Variants in TSC22D2 observed in about 807,000 individuals in gnomAD.
TSC22D2 encodes the protein TSC22 domain family protein 2.
In TSC22D2, 5 loss-of-function variants were observed where a neutral mutation model predicts 50.1. That is an observed-to-expected ratio of 0.10 (90% confidence interval 0.05 to 0.21). The LOEUF (loss-of-function observed/expected upper bound fraction) is 0.21, where lower values mean the gene tolerates loss of function less well. TSC22D2 is among the 10% of genes least tolerant of loss of function. The pLI is 1.00. For synonymous variants in TSC22D2, 501 were observed against 450.1 expected (o/e 1.11, Z -1.43); for missense variants, 1,003 against 1,015.5 (o/e 0.99, Z 0.17).
intron 1 of TSC22D2, among the ~76,000 whole-genome samples, chr3:150,419,251 A>G (rs978478419): frequency 6.6e-6 from 1 of 152,104 alleles, no homozygotes; most frequent in African/African-American, 2.4e-5. Context: ...ATTGGGTGAC[A>G]AAGCCTAGAC....
intron 1 of TSC22D2, among the ~76,000 whole-genome samples, chr3:150,413,319 T>G: frequency 6.6e-6 from 1 of 152,210 alleles, no homozygotes; most frequent in East Asian, 1.9e-4. Flanking sequence ...GTGCAGGGGT[T>G]TTGATGTATG....
At chr3:150,437,324 T>TAGGATA (rs1437310967) in intron 1 of TSC22D2, among the ~76,000 whole-genome samples, 2 of 152,166 alleles carry the variant, frequency 1.3e-5, no homozygotes, top group African/African-American at 4.8e-5. Context: ...CACTGCTGCA[T>TAGGATA]AGGATACATT....
At position 150,455,145 on chromosome 3, in the gene TSC22D2, T is replaced by C. The variant is rs540569187; in HGVS notation, c.1959-1931T>C. On this transcript the variant is annotated intron_variant, in intron 1 of 2. Coordinates refer to ENST00000688009, the MANE Select transcript of TSC22D2 (RefSeq NM_001303264.2). ...TTTCCTTGTCATGTCAATAAAAATATAGAAAGTATAATCTGGGATTCCCAA... is the reference window on the plus strand; with the variant it reads ...TTTCCTTGTCATGTCAATAAAAATACAGAAAGTATAATCTGGGATTCCCAA... 5.2e-4 allele frequency among the ~76,000 whole-genome samples: 79 copies of C among 152,212 alleles called. 1 individual carries two copies. The highest frequency in any genetic ancestry group is 8.4e-4 in the Non-Finnish European group (57 of 68,030).
intron 1 of TSC22D2, among the ~76,000 whole-genome samples, chr3:150,447,675 G>C (rs374245576): frequency 6.6e-6 from 1 of 151,778 alleles, no homozygotes; most frequent in Non-Finnish European, 1.5e-5. Flanking sequence ...AAAGCCCCAG[G>C]CATCCTTAGC....
intron 1 of TSC22D2, among the ~76,000 whole-genome samples, chr3:150,414,937 G>A (rs1164506284): frequency 6.7e-6 from 1 of 149,714 alleles, no homozygotes; most frequent in Non-Finnish European, 1.5e-5. Flanking sequence ...GTTTACAGTT[G>A]ATGTCTGAAT....
At chr3:150,420,941 C>T (rs547656797) in intron 1 of TSC22D2, among the ~76,000 whole-genome samples, 1 of 152,058 alleles carries the variant, frequency 6.6e-6, no homozygotes, top group South Asian at 2.1e-4. Context: ...AAATTAGCTG[C>T]GCGTGGTGGT....
rs371107331 is a variant in TSC22D2, at chr3:150,410,109, C to T, written c.759C>T (p.Pro253=). ...CCTTGACTGCTGTGTCACAGCTACC[C>T]CCGTCGGAGAAAATGAGCCAGCCCA... ...DSSLTAVSQL[P]PSEKMSQPTP... The change falls in exon 1 of 3, where the codon CCC becomes CCT. Residue 253 remains proline (P), a synonymous_variant. Transcript: ENST00000688009. 6.2e-7 allele frequency: 1 copy of T among 1,612,588 alleles called. No homozygotes were observed. Among genetic ancestry groups the T allele is most frequent in the Non-Finnish European group, 8.5e-7 (1 of 1,179,930 alleles).
At chr3:150,442,488 A>G (rs1403715051) in intron 1 of TSC22D2, among the ~76,000 whole-genome samples, 2 of 152,212 alleles carry the variant, frequency 1.3e-5, no homozygotes, top group African/African-American at 2.4e-5. Flanking sequence ...CTAACTCCTA[A>G]GTCAGTGTTT....
rs1378115859 is a variant in TSC22D2 at position 150,411,133 on chromosome 3, A to G, written c.1783A>G (p.Arg595Gly). ...QPLVGQVDDT[R>G]RKSEPLPQPP... is the part of the protein sequence containing the mutation. The stretch of plus-strand genomic sequence containing the variant: ...TTTAGTCGGGCAAGTCGACGATACT[A>G]GAAGAAAATCAGAACCCCTACCTCA... Residue 595 changes from arginine (R) to glycine (G), a missense_variant, in exon 1 of 3, where the codon AGA becomes GGA. This residue lies in a region of TSC22D2 where 696 missense variants were observed against 647.8 expected (regional missense o/e 1.07). Transcript: ENST00000688009. 3 of 1,614,136 alleles carry G rather than the reference A, an allele frequency of 1.9e-6. No homozygotes were observed. The highest frequency in any genetic ancestry group is 8.5e-7 in the Non-Finnish European group (1 of 1,180,030).
intron 1 of TSC22D2, among the ~76,000 whole-genome samples, chr3:150,430,852 C>T (rs1162168758): frequency 6.6e-6 from 1 of 151,986 alleles, no homozygotes; most frequent in Admixed American, 6.6e-5. Context: ...TTAGACCATT[C>T]TGAGGATATT....
rs1309548705 is a variant in TSC22D2, at chr3:150,410,552, C to G, written c.1202C>G (p.Ala401Gly). The change falls in exon 1 of 3, where the codon GCC becomes GGC. Residue 401 changes from alanine to glycine, a missense_variant. Physicochemically the swap from Ala to Gly is moderately conservative, Grantham distance 60. Coordinates refer to ENST00000688009, the MANE Select transcript of TSC22D2 (RefSeq NM_001303264.2). Reference sequence around the variant, plus strand: ...CCCGCGCAGCCCTCGTCCACCGGCGCCGCAGCGAGCCCCGCCACGGCGGCC... The same window carrying G: ...CCCGCGCAGCCCTCGTCCACCGGCGGCGCAGCGAGCCCCGCCACGGCGGCC... ...PSPAQPSSTGAAASPATAATL... is the reference protein window; with the variant it reads ...PSPAQPSSTGGAASPATAATL... 6.5e-7 allele frequency: 1 copy of G among 1,550,120 alleles called. No homozygotes were observed. The highest frequency in any genetic ancestry group is 8.7e-7 in the Non-Finnish European group (1 of 1,149,632).
rs530944359 is a variant in TSC22D2 at position 150,444,160 on chromosome 3, GA to G, written c.1959-12909del. On this transcript the variant is annotated intron_variant, in intron 1 of 2. Coordinates refer to ENST00000688009, the MANE Select transcript of TSC22D2 (RefSeq NM_001303264.2). Reference sequence around the variant, plus strand: ...ATCAAAAACCTACCTTTATTGGGGAGAAAAAAATTCTCGAGGTCTGCCCATA... The same window carrying G: ...ATCAAAAACCTACCTTTATTGGGGAGAAAAAATTCTCGAGGTCTGCCCATA... Among the ~76,000 whole-genome samples, 565 of 152,220 alleles carry G rather than the reference GA, an allele frequency of 3.7e-3. 2 individuals are homozygous for G. The highest frequency in any genetic ancestry group is 5.6e-3 in the Non-Finnish European group (380 of 68,004).
chr3:150,446,438 C>G lies in TSC22D2; in HGVS notation c.1959-10638C>G, dbSNP rs188479096. Among the ~76,000 whole-genome samples the G allele has an allele frequency of 1.3e-3, 195 of 152,202 alleles. 1 individual carries two copies. The South Asian group carries it at 0.023, about 18-fold the overall frequency. On this transcript the variant is annotated intron_variant, in intron 1 of 2. Transcript: ENST00000688009. ...GCCAAGGCAGGAGGATCACTTGAGC[C>G]CAGGAGTTTGAAACCAGCATGGGCA...
intron 1 of TSC22D2, among the ~76,000 whole-genome samples, chr3:150,421,696 G>A (rs935223427): frequency 1.3e-5 from 2 of 150,944 alleles, no homozygotes; most frequent in Non-Finnish European, 3.0e-5. Flanking sequence ...TTTTTTTATT[G>A]TACTAATAAT....
intron 1 of TSC22D2, among the ~76,000 whole-genome samples, chr3:150,414,022 C>G (rs1719697981): frequency 1.3e-5 from 2 of 151,998 alleles, no homozygotes; most frequent in Admixed American, 1.3e-4. Context: ...GTTCCATTAC[C>G]TAATGCAAAG....
intron 1 of TSC22D2, among the ~76,000 whole-genome samples, chr3:150,433,442 T>C (rs1720441508): frequency 6.6e-6 from 1 of 152,226 alleles, no homozygotes; most frequent in South Asian, 2.1e-4. Context: ...GTTCAGAATA[T>C]ATGTAACCTT....
Position 150,464,591 on chromosome 3 carries a change from A to T in TSC22D2, c.*5955A>T, listed in dbSNP as rs1340618501. 6.6e-6 allele frequency: 1 copy of T among 152,168 alleles called. No individual in the cohort carries two copies. Among genetic ancestry groups the T allele is most frequent in the Non-Finnish European group, 1.5e-5 (1 of 68,028 alleles). The allele number at this position is 152,168 out of a possible 1,614,324, so 9.4% of individuals were successfully genotyped here. A position where few individuals can be genotyped will look rare whatever the true frequency, so the allele number is the denominator to read the frequency against. On this transcript the variant is annotated 3_prime_UTR_variant, in exon 3 of 3. Transcript: ENST00000688009. ...AAGTGCCATATTGTTTATTCAGAGT[A>T]TATGTTATAGTTTGTGAACCTTATA...
chr3:150,426,538 C>G (rs1176814853), intron 1 of TSC22D2, among the ~76,000 whole-genome samples: 1 of 152,108 alleles, frequency 6.6e-6, no homozygotes, highest in Non-Finnish European at 1.5e-5. Flanking sequence ...TAAAGGAGTA[C>G]TAAGGGGAAG....
At position 150,465,523 on chromosome 3, in the gene TSC22D2, C is replaced by T. The variant is rs894108944; in HGVS notation, c.*6887C>T. Reference sequence around the variant, plus strand: ...CCCATTAAATTTTAAAAGTCACATACCCTGTGACCTAACAATTCCAACTTT... The same window carrying T: ...CCCATTAAATTTTAAAAGTCACATATCCTGTGACCTAACAATTCCAACTTT... On this transcript the variant is annotated 3_prime_UTR_variant, in exon 3 of 3. Transcript: ENST00000688009. The T allele has an allele frequency of 5.3e-5, 8 of 152,116 alleles. No homozygotes were observed. The highest frequency in any genetic ancestry group is 1.7e-4 in the African/African-American group (7 of 41,414). The allele number at this position is 152,116 out of a possible 1,614,324, so 9.4% of individuals were successfully genotyped here. A position where few individuals can be genotyped will look rare whatever the true frequency, so the allele number is the denominator to read the frequency against.
Sources: gnomAD v4.1 joint callset for allele counts (sites outside exome capture counted in the v4.1 genomes callset) on GRCh38, gnomAD v4.1.1 for gene constraint, gnomAD v4.1.1 regional missense constraint, MANE v1.5 for transcripts, NCBI Gene and HGNC (gene_info 2026-07-23, HGNC 2026-07-21) for gene names.